The following ADAMTSL3 variants were observed in gnomAD, a reference collection of about 807,000 sequenced individuals.
The protein encoded by ADAMTSL3 is ADAMTS like 3, also known as ADAMTS-like protein 3.
Under a neutral mutation model 201.7 loss-of-function variants are expected in ADAMTSL3, and 128 were observed. The ratio of observed to expected loss-of-function variants is 0.63; its 90% CI spans 0.55 to 0.73. ADAMTSL3 has a LOEUF of 0.73. ADAMTSL3 is among the 30% of genes least tolerant of loss of function. The pLI, the probability that ADAMTSL3 is intolerant of heterozygous loss-of-function variation, is 0.00. For missense variants in ADAMTSL3, 1,990 were observed against 2,119.6 expected (o/e 0.94, Z 1.20); for synonymous variants, 738 against 748.4 (o/e 0.99, Z 0.23).
intron 17 of ADAMTSL3, among the ~76,000 whole-genome samples, chr15:83,938,337 T>C (rs1042497117): frequency 9.2e-5 from 14 of 152,196 alleles, no homozygotes; most frequent in Non-Finnish European, 1.5e-4. Context: ...TGCAGATAGA[T>C]AATGTCCCCT....
chr15:83,866,577 G>A (rs1163822450), intron 8 of ADAMTSL3, among the ~76,000 whole-genome samples: 1 of 152,038 alleles, frequency 6.6e-6, no homozygotes, highest in Non-Finnish European at 1.5e-5. Context: ...CATGGACACA[G>A]GAAGGGGAAC....
At chr15:83,815,048 C>T (rs528785561) in intron 5 of ADAMTSL3, among the ~76,000 whole-genome samples, 1 of 152,172 alleles carries the variant, frequency 6.6e-6, no homozygotes, top group African/African-American at 2.4e-5. Flanking sequence ...TGGCAGCTGC[C>T]TCCTCTTCCT....
intron 3 of ADAMTSL3, among the ~76,000 whole-genome samples, chr15:83,719,864 G>T (rs1178529360): frequency 6.6e-6 from 1 of 152,128 alleles, no homozygotes. Context: ...GGAGTTAACA[G>T]CCTCACCAGG....
At chr15:83,914,198 G>A (rs1454634608) in intron 16 of ADAMTSL3, among the ~76,000 whole-genome samples, 1 of 152,122 alleles carries the variant, frequency 6.6e-6, no homozygotes, top group Non-Finnish European at 1.5e-5. Context: ...AATGTGCTCT[G>A]CTCTTGATCC....
At chr15:83,882,495 C>T (rs1201026422) in intron 9 of ADAMTSL3, among the ~76,000 whole-genome samples, 1 of 152,182 alleles carries the variant, frequency 6.6e-6, no homozygotes, top group Non-Finnish European at 1.5e-5. Flanking sequence ...CTTCTTGCAT[C>T]TCACCACTTC....
intron 20 of ADAMTSL3, among the ~76,000 whole-genome samples, chr15:83,981,632 A>G (rs1002501425): frequency 2.0e-5 from 3 of 152,356 alleles, no homozygotes; most frequent in South Asian, 2.1e-4. Flanking sequence ...CAAACTGCCT[A>G]TGCCACCTGT....
chr15:83,741,548 CAT>C (rs772405693), intron 3 of ADAMTSL3, among the ~76,000 whole-genome samples: 167 of 152,132 alleles, frequency 1.1e-3, no homozygotes, highest in Non-Finnish European at 1.5e-3. Flanking sequence ...TGAGGAAAGA[CAT>C]GTGAAATTAT....
intron 23 of ADAMTSL3, among the ~76,000 whole-genome samples, chr15:83,996,780 CAA>C (rs35758954): frequency 0.013 from 447 of 33,740 alleles, no homozygotes; most frequent in African/African-American, 0.053. Flanking sequence ...GACTCTGCCT[CAA>C]AAAAAAAAAA....
chr15:83,685,913 A>G (rs2061530052), intron 2 of ADAMTSL3, among the ~76,000 whole-genome samples: 2 of 152,218 alleles, frequency 1.3e-5, no homozygotes, highest in South Asian at 2.1e-4. Flanking sequence ...GGCCCCAGGA[A>G]TATGAAACTG....
At chr15:83,755,028 TGTTA>T (rs2062696897) in intron 3 of ADAMTSL3, among the ~76,000 whole-genome samples, 1 of 152,220 alleles carries the variant, frequency 6.6e-6, no homozygotes, top group African/African-American at 2.4e-5. Flanking sequence ...CTAATTTTCC[TGTTA>T]TTTATTCAAA....
chr15:83,844,416 A>C (rs1175049894), intron 7 of ADAMTSL3, among the ~76,000 whole-genome samples: 2 of 152,178 alleles, frequency 1.3e-5, no homozygotes, highest in African/African-American at 4.8e-5. Context: ...CTTATTCCAT[A>C]GCAAGGAAGA....
chr15:83,823,545 A>G (rs2063931870), intron 6 of ADAMTSL3, among the ~76,000 whole-genome samples: 1 of 152,048 alleles, frequency 6.6e-6, no homozygotes, highest in South Asian at 2.1e-4. Flanking sequence ...CGTCCTGTCA[A>G]TTTTCCCTCC....
chr15:83,839,416 G>A (rs981208019), intron 7 of ADAMTSL3, among the ~76,000 whole-genome samples: 7 of 152,142 alleles, frequency 4.6e-5, no homozygotes, highest in East Asian at 1.9e-4. Flanking sequence ...AAGACAGAAC[G>A]GCATTTGGAG....
intron 2 of ADAMTSL3, among the ~76,000 whole-genome samples, chr15:83,678,399 A>T (rs72761827): frequency 1.6e-5 from 2 of 127,424 alleles, no homozygotes; most frequent in East Asian, 2.4e-4. Context: ...TTTTTGCTGG[A>T]TATAGAATTA....
chr15:83,758,688 G>C (rs1295706199), intron 3 of ADAMTSL3, among the ~76,000 whole-genome samples: 1 of 152,026 alleles, frequency 6.6e-6, no homozygotes, highest in Admixed American at 6.6e-5. Context: ...TCTGCTTATT[G>C]ACCATTTATA....
chr15:83,983,529 G>A (rs929745661), intron 21 of ADAMTSL3, among the ~76,000 whole-genome samples, 185 bp downstream of exon 21: 6 of 152,118 alleles, frequency 3.9e-5, no homozygotes, highest in Non-Finnish European at 5.9e-5. Flanking sequence ...AAATTCAACC[G>A]CCATATCATC....
intron 2 of ADAMTSL3, among the ~76,000 whole-genome samples, chr15:83,698,760 T>C (rs1009089519): frequency 6.6e-6 from 1 of 152,146 alleles, no homozygotes; most frequent in African/African-American, 2.4e-5. Flanking sequence ...GGCCCAATTT[T>C]TCTAAGAAAA....
chr15:83,836,285 A>G (rs941278887), intron 6 of ADAMTSL3, among the ~76,000 whole-genome samples: 1 of 152,192 alleles, frequency 6.6e-6, no homozygotes, highest in African/African-American at 2.4e-5. Context: ...ACTTTCTCAT[A>G]TTGAACCAAA....
chr15:83,847,577 C>T (rs56762112), intron 7 of ADAMTSL3, among the ~76,000 whole-genome samples: 4,287 of 151,098 alleles, frequency 0.028, 183 homozygotes, highest in African/African-American at 0.097. Context: ...TTCACTGCAG[C>T]CTCTACCTCC....
Sources: allele counts gnomAD v4.1 joint callset (sites outside exome capture counted in the v4.1 genomes callset), GRCh38; gene constraint gnomAD v4.1.1; transcripts MANE v1.5; gene names NCBI Gene and HGNC (gene_info 2026-07-23, HGNC 2026-07-21).